The following TMEM106B variants were observed in gnomAD, a reference collection of about 807,000 sequenced individuals.
TMEM106B encodes transmembrane protein 106B.
In TMEM106B, 15 loss-of-function variants were observed where a neutral mutation model predicts 31.1. The ratio of observed to expected loss-of-function variants is 0.48; its 90% CI spans 0.32 to 0.74. TMEM106B has a LOEUF of 0.74. Ranked by LOEUF, TMEM106B falls within the 30% of genes least tolerant of loss-of-function variation. The probability of loss-of-function intolerance (pLI) is 0.03; values close to 1 mark genes in which losing one functional copy is unlikely to be tolerated. For synonymous variants in TMEM106B, 126 were observed against 112.5 expected, an observed-to-expected ratio of 1.12 and a Z score of -0.76; for missense variants, 283 against 327.3, an observed-to-expected ratio of 0.86 and a Z score of 1.04.
chr7:12,225,032 G>T (rs865829978), intron 4 of TMEM106B, among the ~76,000 whole-genome samples: 7 of 151,812 alleles, frequency 4.6e-5, no homozygotes, highest in Middle Eastern at 3.2e-3. Flanking sequence ...TCCACCTCAC[G>T]ACAGGCCTCG....
chr7:12,212,560 T>A (rs1013887647), intron 1 of TMEM106B, among the ~76,000 whole-genome samples: 9 of 152,220 alleles, frequency 5.9e-5, no homozygotes, highest in African/African-American at 1.4e-4. Context: ...TATAGTTTTT[T>A]AAATTCTGTT....
At chr7:12,228,124 A>G (rs2128526882) in intron 4 of TMEM106B, among the ~76,000 whole-genome samples, 1 of 152,006 alleles carries the variant, frequency 6.6e-6, no homozygotes, top group South Asian at 2.1e-4. Context: ...ATATTTAAAG[A>G]TTATTTTTAC....
rs2128530580 is a variant in TMEM106B, at chr7:12,243,328, T to G, written c.*11353T>G. The G allele has an allele frequency of 6.6e-6, 1 of 152,236 alleles. No homozygotes were observed. Among genetic ancestry groups the G allele is most frequent in the African/African-American group, 2.4e-5 (1 of 41,578 alleles). 9.4% of individuals were successfully genotyped at this position (152,236 alleles called of 1,614,324 possible). Reference sequence around the variant, plus strand: ...TTTGATACTAATTTTTAAGAAGAAATGTATCATTCTCATGGAAATAAAAGA... The same window carrying G: ...TTTGATACTAATTTTTAAGAAGAAAGGTATCATTCTCATGGAAATAAAAGA... On this transcript the variant is annotated 3_prime_UTR_variant, in exon 8 of 8. Transcript: ENST00000396668.
At position 12,230,457 on chromosome 7, in the gene TMEM106B, T is replaced by A; in HGVS notation, c.632+19T>A. 8 of 1,460,744 alleles carry A rather than the reference T, an allele frequency of 5.5e-6. No individual in the cohort carries two copies. Among genetic ancestry groups the A allele is most frequent in the Non-Finnish European group, 7.6e-6 (8 of 1,050,954 alleles). 90.5% of individuals were successfully genotyped at this position (1,460,744 alleles called of 1,614,324 possible). A position where few individuals can be genotyped will look rare whatever the true frequency, so the allele number is the denominator to read the frequency against. On this transcript the variant is annotated intron_variant, in intron 6 of 7. Transcript: ENST00000396668. ...ATATGTAGTAAGTTCTGATTTATAA[T>A]AACTTTTTATTGTCAAATAATGAAG...
chr7:12,232,219 TC>T lies in TMEM106B; in HGVS notation c.*248del, dbSNP rs1051180645. The T allele has an allele frequency of 3.4e-6, 1 of 292,884 alleles. No individual in the cohort carries two copies. The highest frequency in any genetic ancestry group is 2.1e-5 in the African/African-American group (1 of 46,960). The allele number at this position is 292,884 out of a possible 1,614,324, so 18.1% of individuals were successfully genotyped here. On this transcript the variant is annotated 3_prime_UTR_variant, in exon 8 of 8. Coordinates refer to ENST00000396668, the MANE Select transcript of TMEM106B (RefSeq NM_001134232.2). Reference sequence around the variant, plus strand: ...CTGGTTGATTTCCTTCTCCAGCCTATCCCCTACAGGGAAAAGCTGATACTTC... The same window carrying T: ...CTGGTTGATTTCCTTCTCCAGCCTATCCCTACAGGGAAAAGCTGATACTTC...
Position 12,233,505 on chromosome 7 carries a change from A to G in TMEM106B, c.*1530A>G, listed in dbSNP as rs1158343293. The G allele has an allele frequency of 6.6e-6, 1 of 150,534 alleles. No individual in the cohort carries two copies. Among genetic ancestry groups the G allele is most frequent in the African/African-American group, 2.4e-5 (1 of 41,070 alleles). The allele number at this position is 150,534 out of a possible 1,614,324, so 9.3% of individuals were successfully genotyped here. ...TTAAACACACTCAGGTTTCCCCTTA[A>G]TTTTCATATTATTTTCTGCAAGTTT... On this transcript the variant is annotated 3_prime_UTR_variant, in exon 8 of 8. Transcript: ENST00000396668.
In TMEM106B at chr7:12,240,290, G is replaced by A. The variant is rs1004487594; in HGVS notation, c.*8315G>A. On this transcript the variant is annotated 3_prime_UTR_variant, in exon 8 of 8. Coordinates refer to ENST00000396668, the MANE Select transcript of TMEM106B (RefSeq NM_001134232.2). ...TTCTATCTTTTTCAATGCCCACTTC[G>A]TGTCCAACCCCTCTCTACTTTCCCT... The A allele has an allele frequency of 5.3e-5, 8 of 151,894 alleles. No individual in the cohort carries two copies. The highest frequency in any genetic ancestry group is 4.2e-4 in the South Asian group (2 of 4,816). 9.4% of individuals were successfully genotyped at this position (151,894 alleles called of 1,614,324 possible). A position where few individuals can be genotyped will look rare whatever the true frequency, so the allele number is the denominator to read the frequency against.
At chr7:12,221,357 G>GAGT (rs1382179110) in intron 3 of TMEM106B, among the ~76,000 whole-genome samples, 3 of 152,034 alleles carry the variant, frequency 2.0e-5, no homozygotes, top group Non-Finnish European at 4.4e-5. Context: ...GCATTATTAG[G>GAGT]AGTACCTTTG....
chr7:12,226,276 C>G (rs1419407002), intron 4 of TMEM106B, among the ~76,000 whole-genome samples: 8 of 152,028 alleles, frequency 5.3e-5, no homozygotes, highest in Non-Finnish European at 2.9e-5. Context: ...TTACTGTAGC[C>G]TTGTAGTATA....
In TMEM106B at chr7:12,238,562, C is replaced by T. The variant is rs1782184244; in HGVS notation, c.*6587C>T. On this transcript the variant is annotated 3_prime_UTR_variant, in exon 8 of 8. Transcript: ENST00000396668. ...TTGCCCAGATCCATCAGAGGAATCA[C>T]TACCTATGACAGCTATGGTCTTACA... The T allele has an allele frequency of 1.3e-5, 2 of 152,210 alleles. No individual in the cohort carries two copies. Among genetic ancestry groups the T allele is most frequent in the South Asian group, 2.1e-4 (1 of 4,830 alleles). 9.4% of individuals were successfully genotyped at this position (152,210 alleles called of 1,614,324 possible).
rs1303465425 is a variant in TMEM106B at position 12,241,521 on chromosome 7, G to C, written c.*9546G>C. The C allele has an allele frequency of 1.3e-5, 2 of 149,796 alleles. No individual in the cohort carries two copies. Among genetic ancestry groups the C allele is most frequent in the East Asian group, 3.9e-4 (2 of 5,108 alleles). 9.3% of individuals were successfully genotyped at this position (149,796 alleles called of 1,614,324 possible). Reference sequence around the variant, plus strand: ...GTGCTGTTTGGTTTTCTGTTCCTGTGTGTGTTTGCTGAGAATGATGGTTTC... The same window carrying C: ...GTGCTGTTTGGTTTTCTGTTCCTGTCTGTGTTTGCTGAGAATGATGGTTTC... On this transcript the variant is annotated 3_prime_UTR_variant, in exon 8 of 8. Transcript: ENST00000396668.
intron 4 of TMEM106B, among the ~76,000 whole-genome samples, chr7:12,228,589 C>T (rs892859996): frequency 6.6e-6 from 1 of 151,696 alleles, no homozygotes; most frequent in African/African-American, 2.4e-5. Context: ...CTGTCATTAG[C>T]ATCCTAATGT....
In TMEM106B at chr7:12,238,689, C is replaced by G. The variant is rs1782187188; in HGVS notation, c.*6714C>G. The G allele has an allele frequency of 6.6e-6, 1 of 152,132 alleles. No homozygotes were observed. 9.4% of individuals were successfully genotyped at this position (152,132 alleles called of 1,614,324 possible). On this transcript the variant is annotated 3_prime_UTR_variant, in exon 8 of 8. Transcript: ENST00000396668. ...TAAGAGGCATGAAAACAACATTAAT[C>G]TATTTGTACATCATCAGAGCTGTTG...
Position 12,220,474 on chromosome 7 carries a change from G to C in TMEM106B, c.281+1953G>C, listed in dbSNP as rs931894515. Among the ~76,000 whole-genome samples the C allele has an allele frequency of 2.0e-5, 3 of 152,186 alleles. No individual in the cohort carries two copies. The East Asian group carries it at 5.8e-4, about 29-fold the overall frequency. ...ACCTCCAAAGCAAAATAGAAGCTATGAACAGCTAGTTCACAAAAAAGAAAT... is the reference window on the plus strand; with the variant it reads ...ACCTCCAAAGCAAAATAGAAGCTATCAACAGCTAGTTCACAAAAAAGAAAT... On this transcript the variant is annotated intron_variant, in intron 3 of 7. Coordinates refer to ENST00000396668, the MANE Select transcript of TMEM106B (RefSeq NM_001134232.2).
intron 4 of TMEM106B, among the ~76,000 whole-genome samples, chr7:12,228,284 A>G (rs1327075918): frequency 6.6e-6 from 1 of 151,734 alleles, no homozygotes; most frequent in Non-Finnish European, 1.5e-5. Flanking sequence ...AACTCATCCC[A>G]TATTGCATCT....
intron 5 of TMEM106B, 28 bp downstream of exon 5, chr7:12,229,847 A>G (rs1781980534): frequency 1.3e-6 from 2 of 1,579,778 alleles, no homozygotes; most frequent in Middle Eastern, 1.8e-4. Context: ...AATACTTTGT[A>G]AGAGTTAAAT....
chr7:12,221,168 C>T (rs1270620451), intron 3 of TMEM106B, among the ~76,000 whole-genome samples: 1 of 151,290 alleles, frequency 6.6e-6, no homozygotes, highest in Non-Finnish European at 1.5e-5. Context: ...AAAGTAACTG[C>T]CAAAAATTGA....
chr7:12,232,014 G>T lies in TMEM106B; in HGVS notation c.*39G>T. 2 of 1,592,652 alleles carry T rather than the reference G, an allele frequency of 1.3e-6. No homozygotes were observed. The highest frequency in any genetic ancestry group is 2.2e-5 in the South Asian group (2 of 89,174). ...TGGATTTAAAGAAGAAATATCTATT[G>T]ATATTTCCTATACTCTCAATGAAGA... On this transcript the variant is annotated 3_prime_UTR_variant, in exon 8 of 8. Transcript: ENST00000396668.
chr7:12,217,734 G>A (rs1188601802), intron 2 of TMEM106B, among the ~76,000 whole-genome samples: 1 of 152,082 alleles, frequency 6.6e-6, no homozygotes, highest in Non-Finnish European at 1.5e-5. Flanking sequence ...AGATGTGTCG[G>A]GGGAAATAAC....
Sources: allele counts gnomAD v4.1 joint callset (sites outside exome capture counted in the v4.1 genomes callset), GRCh38; gene constraint gnomAD v4.1.1; transcripts MANE v1.5; gene names NCBI Gene and HGNC (gene_info 2026-07-23, HGNC 2026-07-21).